The following CENPB variants were observed in gnomAD, a reference collection of about 807,000 sequenced individuals.
CENPB encodes the protein centromere protein B.
CENPB carries 19 observed loss-of-function variants against 41.9 expected under a neutral mutation model. The ratio of observed to expected loss-of-function variants is 0.45; its 90% CI spans 0.32 to 0.67. The LOEUF (loss-of-function observed/expected upper bound fraction) is 0.67, where lower values mean the gene tolerates loss of function less well. Ranked by LOEUF, CENPB falls within the 30% of genes least tolerant of loss-of-function variation. CENPB has a pLI of 0.04. For synonymous variants in CENPB, 399 were observed against 354.4 expected (o/e 1.13, Z -1.41); for missense variants, 614 against 816.2 (o/e 0.75, Z 3.02).
chr20:3,784,903 TTCA>T lies in CENPB; in HGVS notation c.1578_1580del (p.Asp526del). ...CATCCTCCTCATCATCATCGTCGTC[TTCA>T]TCTTCATCATCCTCTTCCTCATCGT... On this transcript the variant is annotated inframe_deletion, in exon 1 of 1. Transcript: ENST00000379751. The surrounding 1 kb of genome is among the most constrained non-coding windows in gnomAD (Gnocchi z 5.2). The T allele has an allele frequency of 6.2e-7, 1 of 1,613,874 alleles. No homozygotes were observed.
In CENPB at chr20:3,784,994, T is replaced by C. The variant is rs748676791; in HGVS notation, c.1490A>G (p.Gln497Arg). The stretch of plus-strand genomic sequence containing the variant: ...TTCCAGGAAATGCAGAGTAGGGCAC[T>C]GGGCTTCCTCCTGGGCACCATAAGC... ...FGAYGAQEEA[Q>R]CPTLHFLEGG... is the part of the protein sequence containing the mutation. The change falls in exon 1 of 1, where the codon CAG becomes CGG. Residue 497 changes from glutamine to arginine, a missense_variant. Coordinates refer to ENST00000379751, the MANE Select transcript of CENPB (RefSeq NM_001810.6). This position sits in a 1 kb window ranked among gnomAD's most constrained non-coding sequence, Gnocchi z 5.2. 5.6e-6 allele frequency: 9 copies of C among 1,614,058 alleles called. No homozygotes were observed. The highest frequency in any genetic ancestry group is 7.6e-6 in the Non-Finnish European group (9 of 1,180,004).
chr20:3,784,844 G>A lies in CENPB; in HGVS notation c.1640C>T (p.Ala547Val). ...DEVPVPSFGEAMAYFAMVKRY... is the reference protein window; with the variant it reads ...DEVPVPSFGEVMAYFAMVKRY... ...CTTGACCATGGCAAAGTAAGCCATG[G>A]CCTCCCCAAAGCTGGGTACAGGCAC... The change falls in exon 1 of 1, where the codon GCC becomes GTC. Residue 547 changes from alanine (A) to valine (V), a missense_variant. This residue lies in a region of CENPB where 537 missense variants were observed against 629.4 expected (regional missense o/e 0.85). Transcript: ENST00000379751. This position sits in a 1 kb window ranked among gnomAD's most constrained non-coding sequence, Gnocchi z 5.2. The A allele has an allele frequency of 3.1e-6, 5 of 1,614,094 alleles. No individual in the cohort carries two copies. The South Asian group carries it at 5.5e-5, about 18-fold the overall frequency.
In CENPB at chr20:3,786,014, G is replaced by T. The variant is rs572112095; in HGVS notation, c.470C>A (p.Pro157Gln). The T allele has an allele frequency of 7.0e-6, 10 of 1,437,000 alleles. No individual in the cohort carries two copies. In the African/African-American group the frequency reaches 1.3e-4, roughly 19 times the overall value. The allele number at this position is 1,437,000 out of a possible 1,614,324, so 89.0% of individuals were successfully genotyped here. ...APRTPAAPASPAAVPSEGSGG... is the reference protein window; with the variant it reads ...APRTPAAPASQAAVPSEGSGG... Reference sequence around the variant, plus strand: ...ACTGCCCTCCGAGGGCACCGCGGCCGGACTGGCAGGCGCCGCCGGGGTGCG... The same window carrying T: ...ACTGCCCTCCGAGGGCACCGCGGCCTGACTGGCAGGCGCCGCCGGGGTGCG... Residue 157 changes from proline to glutamine, a missense_variant, in exon 1 of 1, where the codon CCG (proline) becomes CAG (glutamine). Around this residue, in one of 2 missense-constraint regions of CENPB, gnomAD observed 537 missense variants for 629.4 expected, o/e 0.85. Transcript: ENST00000379751.
chr20:3,785,819 G>T lies in CENPB; in HGVS notation c.665C>A (p.Thr222Asn). ...GCATAGCAGGACGCTCAGGCGCTGG[G>T]TGGCTTGACGCGGCCGTCCGTCGCC... ...CGGDGRPRQA[T>N]QRLSVLLCAN... is the part of the protein sequence containing the mutation. The change falls in exon 1 of 1, where the codon ACC (threonine) becomes AAC (asparagine). Residue 222 changes from threonine (T) to asparagine (N), a missense_variant. Thr to Asn is a moderately conservative substitution (Grantham distance 65, BLOSUM62 0). This residue lies in a region of CENPB where 537 missense variants were observed against 629.4 expected (regional missense o/e 0.85). Coordinates refer to ENST00000379751, the MANE Select transcript of CENPB (RefSeq NM_001810.6). 1 of 1,609,356 alleles carries T rather than the reference G, an allele frequency of 6.2e-7. No individual in the cohort carries two copies.
At position 3,784,035 on chromosome 20, in the gene CENPB, T is replaced by C. The variant is rs2088797390; in HGVS notation, c.*649A>G. 6.5e-6 allele frequency: 1 copy of C among 153,178 alleles called. No homozygotes were observed. The highest frequency in any genetic ancestry group is 2.1e-4 in the South Asian group (1 of 4,856). 9.5% of individuals were successfully genotyped at this position (153,178 alleles called of 1,614,324 possible). On this transcript the variant is annotated 3_prime_UTR_variant, in exon 1 of 1. Coordinates refer to ENST00000379751, the MANE Select transcript of CENPB (RefSeq NM_001810.6). The surrounding 1 kb of genome is among the most constrained non-coding windows in gnomAD (Gnocchi z 5.2). Reference sequence around the variant, plus strand: ...GCAGCTGCCCACAAGGAAGCGCCCTTGGTTACTTCCACGGTGGGGGGCCTC... The same window carrying C: ...GCAGCTGCCCACAAGGAAGCGCCCTCGGTTACTTCCACGGTGGGGGGCCTC...
chr20:3,786,018 TGG>T lies in CENPB; in HGVS notation c.464_465del (p.Ala155GlufsTer231). On this transcript the variant is annotated frameshift_variant, in exon 1 of 1. Transcript: ENST00000379751. LOFTEE classifies it high-confidence loss of function. ...CCCTCCGAGGGCACCGCGGCCGGAC[TGG>T]CAGGCGCCGCCGGGGTGCGGGGGGC... The part of the protein sequence containing the change: ...NAAPRTPAAP[A>X]SPAAVPSEGS... 7.0e-7 allele frequency: 1 copy of T among 1,425,562 alleles called. No individual in the cohort carries two copies. The highest frequency in any genetic ancestry group is 9.1e-7 in the Non-Finnish European group (1 of 1,102,792). The allele number at this position is 1,425,562 out of a possible 1,614,324, so 88.3% of individuals were successfully genotyped here.
chr20:3,786,503 C>A lies in CENPB; in HGVS notation c.-20G>T, dbSNP rs1568495923. 1.8e-6 allele frequency: 2 copies of A among 1,092,498 alleles called. No homozygotes were observed. Among genetic ancestry groups the A allele is most frequent in the African/African-American group, 1.7e-5 (1 of 59,494 alleles). 67.7% of individuals were successfully genotyped at this position (1,092,498 alleles called of 1,614,324 possible). A position where few individuals can be genotyped will look rare whatever the true frequency, so the allele number is the denominator to read the frequency against. On this transcript the variant is annotated 5_prime_UTR_variant, in exon 1 of 1. Transcript: ENST00000379751. ...GCCCATCCCGGCGCGCCCCCCGCCC[C>A]GGGGCCCGGCGCCGCCGCCGCCGCC...
chr20:3,786,139 G>T lies in CENPB; in HGVS notation c.345C>A (p.Asp115Glu). 1 of 1,597,730 alleles carries T rather than the reference G, an allele frequency of 6.3e-7. No individual in the cohort carries two copies. Residue 115 changes from aspartate (D) to glutamate (E), a missense_variant, in exon 1 of 1, where the codon GAC becomes GAA. Physicochemically the swap from Asp to Glu is conservative, Grantham distance 45. This residue lies in a region of CENPB where 77 missense variants were observed against 186.8 expected (regional missense o/e 0.41). Coordinates refer to ENST00000379751, the MANE Select transcript of CENPB (RefSeq NM_001810.6). ...LRIAEELGMD[D>E]FTASNGWLDR... ...CCAGCCAGCCGTTGGAGGCGGTGAA[G>T]TCGTCCATGCCCAGCTCCTCGGCTA... is the stretch of plus-strand genomic sequence containing the variant.
In CENPB at chr20:3,784,563, A is replaced by G; in HGVS notation, c.*121T>C. The G allele has an allele frequency of 4.2e-5, 49 of 1,178,998 alleles. No individual in the cohort carries two copies. Among genetic ancestry groups the G allele is most frequent in the Non-Finnish European group, 5.8e-5 (48 of 831,740 alleles). The allele number at this position is 1,178,998 out of a possible 1,614,324, so 73.0% of individuals were successfully genotyped here. A position where few individuals can be genotyped will look rare whatever the true frequency, so the allele number is the denominator to read the frequency against. On this transcript the variant is annotated 3_prime_UTR_variant, in exon 1 of 1. Transcript: ENST00000379751. This position sits in a 1 kb window ranked among gnomAD's most constrained non-coding sequence, Gnocchi z 5.2. Reference sequence around the variant, plus strand: ...CCGGGCCTGTTGCAGGACCAGGGGAAGCATTACTAAAGGATCTGGGGCTCT... The same window carrying G: ...CCGGGCCTGTTGCAGGACCAGGGGAGGCATTACTAAAGGATCTGGGGCTCT...
In CENPB at chr20:3,784,346, C is replaced by G. The variant is rs1435771935; in HGVS notation, c.*338G>C. On this transcript the variant is annotated 3_prime_UTR_variant, in exon 1 of 1. Transcript: ENST00000379751. The surrounding 1 kb of genome is among the most constrained non-coding windows in gnomAD (Gnocchi z 5.2). ...GGGAGAGGCACTCTCCGGCCGGGAA[C>G]CTCCAGGGCCCATCCCTGGCTGCTG... is the stretch of plus-strand genomic sequence containing the variant. 1 of 265,588 alleles carries G rather than the reference C, an allele frequency of 3.8e-6. No individual in the cohort carries two copies. Among genetic ancestry groups the G allele is most frequent in the African/African-American group, 2.3e-5 (1 of 44,120 alleles). 16.5% of individuals were successfully genotyped at this position (265,588 alleles called of 1,614,324 possible). A position where few individuals can be genotyped will look rare whatever the true frequency, so the allele number is the denominator to read the frequency against.
Position 3,786,457 on chromosome 20 carries a change from C to A in CENPB, c.27G>T (p.Thr9=). MGPKRRQL[T]FREKSRIIQE... ...GGATGATCCGTGACTTCTCCCGGAACGTCAGCTGTCGCCTCTTGGGGCCCA... is the reference window on the plus strand; with the variant it reads ...GGATGATCCGTGACTTCTCCCGGAAAGTCAGCTGTCGCCTCTTGGGGCCCA... The change falls in exon 1 of 1, where the codon ACG becomes ACT. Residue 9 remains threonine (T), a synonymous_variant. Transcript: ENST00000379751. The A allele has an allele frequency of 6.4e-7, 1 of 1,561,098 alleles. No homozygotes were observed. The highest frequency in any genetic ancestry group is 1.1e-5 in the South Asian group (1 of 88,810).
Position 3,785,297 on chromosome 20 carries a change from G to C in CENPB, c.1187C>G (p.Thr396Ser), listed in dbSNP as rs1340808854. 2 of 1,595,492 alleles carry C rather than the reference G, an allele frequency of 1.3e-6. No individual in the cohort carries two copies. Residue 396 changes from threonine (T) to serine (S), a missense_variant, in exon 1 of 1, where the codon ACC (threonine) becomes AGC (serine). Thr to Ser is a moderately conservative substitution (Grantham distance 58). This residue lies in a region of CENPB where 537 missense variants were observed against 629.4 expected (regional missense o/e 0.85). Transcript: ENST00000379751. ...CTCACTCTTGAGGGAAGTGGTGATGGTGGCATTAGGGCCACCCCCAAAGCC... is the reference window on the plus strand; with the variant it reads ...CTCACTCTTGAGGGAAGTGGTGATGCTGGCATTAGGGCCACCCCCAAAGCC... ...EAGFGGGPNATITTSLKSEGE... is the reference protein window; with the variant it reads ...EAGFGGGPNASITTSLKSEGE...
Position 3,785,506 on chromosome 20 carries a change from C to A in CENPB, c.978G>T (p.Glu326Asp). 6.3e-7 allele frequency: 1 copy of A among 1,595,788 alleles called. No individual in the cohort carries two copies. The change falls in exon 1 of 1, where the codon GAG becomes GAT. Residue 326 changes from glutamate (E) to aspartate (D), a missense_variant. Physicochemically the swap from Glu to Asp is conservative, Grantham distance 45 (BLOSUM62 2). Transcript: ENST00000379751. ...FFPPGTVHPL[E>D]RGVVQQVKGH... ...CCTTCACCTGCTGGACCACTCCCCTCTCCAGCGGATGCACGGTGCCGGGAG... is the reference window on the plus strand; with the variant it reads ...CCTTCACCTGCTGGACCACTCCCCTATCCAGCGGATGCACGGTGCCGGGAG...
rs36107021 is a variant in CENPB at position 3,785,023 on chromosome 20, G to A, written c.1461C>T (p.Phe487=). 2.5e-4 allele frequency: 398 copies of A among 1,613,974 alleles called. No homozygotes were observed. In the African/African-American group the frequency reaches 4.5e-3, roughly 18 times the overall value. ...CTTCCTCCTGGGCACCATAAGCCCCGAAGCTGCCACCGGCCTCCACTACTC... is the reference window on the plus strand; with the variant it reads ...CTTCCTCCTGGGCACCATAAGCCCCAAAGCTGCCACCGGCCTCCACTACTC... ...AQGVVEAGGS[F]GAYGAQEEAQ... is the part of the protein sequence containing the mutation. Residue 487 remains phenylalanine (F), a synonymous_variant, in exon 1 of 1, where the codon TTC becomes TTT. Transcript: ENST00000379751.
At position 3,785,352 on chromosome 20, in the gene CENPB, A is replaced by G; in HGVS notation, c.1132T>C (p.Ser378Pro). 1.2e-6 allele frequency: 2 copies of G among 1,602,586 alleles called. No individual in the cohort carries two copies. Among genetic ancestry groups the G allele is most frequent in the African/African-American group, 1.3e-5 (1 of 74,810 alleles). The change falls in exon 1 of 1, where the codon TCG (serine) becomes CCG (proline). Residue 378 changes from serine to proline, a missense_variant. Coordinates refer to ENST00000379751, the MANE Select transcript of CENPB (RefSeq NM_001810.6). ...VAAAWQAVEP[S>P]DIAACFREAG... ...TCACGAAAGCAGGCGGCTATGTCCG[A>G]AGGCTCCACTGCCTGCCAGGCGGCA...
chr20:3,785,208 C>G lies in CENPB; in HGVS notation c.1276G>C (p.Glu426Gln). 7.4e-7 allele frequency: 1 copy of G among 1,346,078 alleles called. No individual in the cohort carries two copies. The highest frequency in any genetic ancestry group is 9.8e-7 in the Non-Finnish European group (1 of 1,019,984). The allele number at this position is 1,346,078 out of a possible 1,614,324, so 83.4% of individuals were successfully genotyped here. ...TCCTCCTCCTCCTCCCCTTCCTCCT[C>G]CTCTTCCTCTCCTTCACCCTCTTCC... ...EEEEGEGEEE[E>Q]EEGEEEEEEG... The change falls in exon 1 of 1, where the codon GAG becomes CAG. Residue 426 changes from glutamate (E) to glutamine (Q), a missense_variant. Glu to Gln is a conservative substitution (Grantham distance 29, BLOSUM62 2). Around this residue, in one of 2 missense-constraint regions of CENPB, gnomAD observed 537 missense variants for 629.4 expected, o/e 0.85. Transcript: ENST00000379751.
rs533106029 is a variant in CENPB at position 3,786,293 on chromosome 20, G to A, written c.191C>T (p.Thr64Ile). The A allele has an allele frequency of 2.5e-6, 4 of 1,608,498 alleles. No individual in the cohort carries two copies. The highest frequency in any genetic ancestry group is 2.2e-5 in the South Asian group (2 of 91,078). Residue 64 changes from threonine to isoleucine, a missense_variant, in exon 1 of 1, where the codon ACC becomes ATC. Coordinates refer to ENST00000379751, the MANE Select transcript of CENPB (RefSeq NM_001810.6). ...AGACAGCTTGTTGGTCTTGCGGCAG[G>A]TGGAGGCCACCCCGTACTTGCGCTC... ...ASERKYGVAS[T>I]CRKTNKLSPY...
rs767586180 is a variant in CENPB at position 3,786,184 on chromosome 20, G to C, written c.300C>G (p.Leu100=). 5.6e-6 allele frequency: 9 copies of C among 1,600,884 alleles called. No homozygotes were observed. In the South Asian group the frequency reaches 7.7e-5, roughly 14 times the overall value. ...CGGCTATGCGCAGCGCCTTCTCCTT[G>C]AGGATGATGCCCTTGACCGGCAGGC... ...AAGLPVKGII[L]KEKALRIAEE... The change falls in exon 1 of 1, where the codon CTC becomes CTG. Residue 100 remains leucine (L), a synonymous_variant. Transcript: ENST00000379751.
In CENPB at chr20:3,784,537, A is replaced by T; in HGVS notation, c.*147T>A. 1.1e-6 allele frequency: 1 copy of T among 911,438 alleles called. No homozygotes were observed. The highest frequency in any genetic ancestry group is 1.7e-6 in the Non-Finnish European group (1 of 598,940). 56.5% of individuals were successfully genotyped at this position (911,438 alleles called of 1,614,324 possible). A position where few individuals can be genotyped will look rare whatever the true frequency, so the allele number is the denominator to read the frequency against. On this transcript the variant is annotated 3_prime_UTR_variant, in exon 1 of 1. Transcript: ENST00000379751. This position sits in a 1 kb window ranked among gnomAD's most constrained non-coding sequence, Gnocchi z 5.2. ...CTCAGCCCCGGGCCCGGCCGAGGTGACCGGGCCTGTTGCAGGACCAGGGGA... is the reference window on the plus strand; with the variant it reads ...CTCAGCCCCGGGCCCGGCCGAGGTGTCCGGGCCTGTTGCAGGACCAGGGGA...
Sources: gnomAD v4.1 joint callset for allele counts on GRCh38, gnomAD v4.1.1 for gene constraint, gnomAD v4.1.1 regional missense constraint, Gnocchi (gnomAD v3.1) non-coding constraint, MANE v1.5 for transcripts, NCBI Gene and HGNC (gene_info 2026-07-23, HGNC 2026-07-21) for gene names.